GREB1L: variants seen among roughly 807,000 people sequenced by gnomAD.
The protein encoded by GREB1L is GREB1 like retinoic acid receptor coactivator.
Under a neutral mutation model 200.8 loss-of-function variants are expected in GREB1L, and 17 were observed. That is an observed-to-expected ratio of 0.08 (90% CI 0.06 to 0.13). The LOEUF (loss-of-function observed/expected upper bound fraction) is 0.13, where lower values mean the gene tolerates loss of function less well. GREB1L is among the 10% of genes least tolerant of loss of function. GREB1L has a pLI of 1.00. For synonymous variants in GREB1L, 789 were observed against 893.0 expected (o/e 0.88, Z 2.08); for missense variants, 1,657 against 2,367.7 (o/e 0.70, Z 6.23).
chr18:21,369,733 A>G (rs1000209548), intron 2 of GREB1L, among the ~76,000 whole-genome samples: 49 of 152,174 alleles, frequency 3.2e-4, no homozygotes, highest in African/African-American at 9.1e-4. Context: ...TTTACAAACT[A>G]TAAAAATAAA....
intron 31 of GREB1L, among the ~76,000 whole-genome samples, chr18:21,519,497 A>T (rs1052563620): frequency 3.9e-5 from 6 of 152,102 alleles, no homozygotes; most frequent in Admixed American, 2.0e-4. Flanking sequence ...AGATCTAATA[A>T]CATCTTTTAC....
rs149396504 is a variant in GREB1L at position 21,330,861 on chromosome 18, G to A, written c.-119-35166G>A. 3.3e-5 allele frequency among the ~76,000 whole-genome samples: 5 copies of A among 152,096 alleles called. No individual in the cohort carries two copies. In the East Asian group the frequency reaches 9.7e-4, roughly 29 times the overall value. On this transcript the variant is annotated intron_variant, in intron 1 of 32. Coordinates refer to ENST00000424526, the MANE Select transcript of GREB1L (RefSeq NM_001142966.3). ...TCCCGACCTAGATAGCATTAATGGA[G>A]GTAAAAAGCACTGAGTGACTGTTAG...
chr18:21,484,379 T>C (rs1227497898), intron 17 of GREB1L, among the ~76,000 whole-genome samples: 1 of 151,992 alleles, frequency 6.6e-6, no homozygotes, highest in Non-Finnish European at 1.5e-5. Context: ...TTCACCATAT[T>C]GGCCAGGCTG....
intron 15 of GREB1L, among the ~76,000 whole-genome samples, chr18:21,456,130 C>A (rs1308270365): frequency 4.6e-5 from 7 of 151,730 alleles, no homozygotes. Flanking sequence ...GGTCTTGAAC[C>A]CCTGACCTCA....
At position 21,268,522 on chromosome 18, in the gene GREB1L, TACAC is replaced by T. The variant is rs773384876; in HGVS notation, c.-120+26165_-120+26168del. 5.8e-3 allele frequency among the ~76,000 whole-genome samples: 379 copies of T among 65,108 alleles called. 3 individuals carry two copies. Among genetic ancestry groups the T allele is most frequent in the South Asian group, 0.013 (16 of 1,214 alleles). The allele number at this position is 65,108 out of a possible 152,430, so 42.7% of individuals were successfully genotyped here. A position where few individuals can be genotyped will look rare whatever the true frequency, so the allele number is the denominator to read the frequency against. ...ATACATATATATATGTATATATATA[TACAC>T]ACACACACACACACACACACACACA... On this transcript the variant is annotated intron_variant, in intron 1 of 32. Coordinates refer to ENST00000424526, the MANE Select transcript of GREB1L (RefSeq NM_001142966.3).
At chr18:21,497,670 G>GA (rs201531645) in intron 21 of GREB1L, among the ~76,000 whole-genome samples, 3,761 of 148,266 alleles carry the variant, frequency 0.025, 176 homozygotes, top group African/African-American at 0.088. Context: ...AAGAGAGAGG[G>GA]AAAAAAAAAG....
At chr18:21,406,390 G>T (rs1013673432) in intron 7 of GREB1L, among the ~76,000 whole-genome samples, 1 of 152,160 alleles carries the variant, frequency 6.6e-6, no homozygotes, top group African/African-American at 2.4e-5. Context: ...GATGTAAGTG[G>T]TAATTTGACC....
rs537887738 is a variant in GREB1L at position 21,493,050 on chromosome 18, G to A, written c.3031-2620G>A. ...TATTTGTGTGGGAGTAAAAATATGA[G>A]ATCATGTTGGGATGTTCACATCGTA... is the stretch of plus-strand genomic sequence containing the variant. On this transcript the variant is annotated intron_variant, in intron 19 of 32. Coordinates refer to ENST00000424526, the MANE Select transcript of GREB1L (RefSeq NM_001142966.3). Among the ~76,000 whole-genome samples the A allele has an allele frequency of 2.6e-5, 4 of 152,290 alleles. No individual in the cohort carries two copies. The South Asian group carries it at 8.3e-4, about 32-fold the overall frequency.
intron 1 of GREB1L, among the ~76,000 whole-genome samples, chr18:21,280,002 T>C (rs2038241494): frequency 6.6e-6 from 1 of 152,242 alleles, no homozygotes; most frequent in Non-Finnish European, 1.5e-5. Flanking sequence ...TACTGTAGTA[T>C]ATTTGTTACA....
At chr18:21,287,049 TATA>T (rs2038368498) in intron 1 of GREB1L, among the ~76,000 whole-genome samples, 1 of 152,210 alleles carries the variant, frequency 6.6e-6, no homozygotes, top group African/African-American at 2.4e-5. Flanking sequence ...CTACCTTGAA[TATA>T]ATAAAGTATT....
chr18:21,306,500 A>G (rs1282161820), intron 1 of GREB1L, among the ~76,000 whole-genome samples: 1 of 152,178 alleles, frequency 6.6e-6, no homozygotes, highest in Non-Finnish European at 1.5e-5. Context: ...TTTTCTTTGC[A>G]ACTTGATGTG....
chr18:21,395,354 A>C, intron 4 of GREB1L, 31 bp from the exon 5 acceptor site: 1 of 1,493,880 alleles, frequency 6.7e-7, no homozygotes, highest in Non-Finnish European at 9.1e-7. Flanking sequence ...TAAACATTTC[A>C]CTGTGTCCTT....
rs1341074831 is a variant in GREB1L at position 21,522,711 on chromosome 18, G to A, written c.5662G>A (p.Val1888Ile). ...QDRSSLRQTI[V>I]RLELEDEWQF... ...CAGAAGTTCCTTGCGCCAAACAATT[G>A]TCCGCTTAGAGCTAGAAGATGAGTG... is the stretch of plus-strand genomic sequence containing the variant. The change falls in exon 33 of 33, where the codon GTC (valine) becomes ATC (isoleucine). Residue 1888 changes from valine to isoleucine, a missense_variant. Val to Ile is a conservative substitution (Grantham distance 29, BLOSUM62 3). Around this residue, in one of 9 missense-constraint regions of GREB1L, gnomAD observed 190 missense variants for 230.2 expected, o/e 0.83. Coordinates refer to ENST00000424526, the MANE Select transcript of GREB1L (RefSeq NM_001142966.3). 2.6e-6 allele frequency: 4 copies of A among 1,551,498 alleles called. No individual in the cohort carries two copies. The East Asian group carries it at 9.8e-5, about 38-fold the overall frequency.
intron 22 of GREB1L, 28 bp from the exon 23 acceptor site, chr18:21,500,512 C>G: frequency 6.8e-7 from 1 of 1,460,022 alleles, no homozygotes; most frequent in Non-Finnish European, 9.4e-7. Flanking sequence ...CGCCTCCACT[C>G]CTCCCCAATT....
chr18:21,432,047 C>T (rs1248358517), intron 7 of GREB1L, among the ~76,000 whole-genome samples: 3 of 151,382 alleles, frequency 2.0e-5, no homozygotes, highest in Non-Finnish European at 4.4e-5. Context: ...CTCAGCATCC[C>T]GAGTAGCTGG....
intron 1 of GREB1L, among the ~76,000 whole-genome samples, chr18:21,360,922 C>T (rs1055881119): frequency 6.6e-6 from 1 of 152,092 alleles, no homozygotes; most frequent in African/African-American, 2.4e-5. Context: ...TAACTGTTGA[C>T]ATTGTTGGAA....
chr18:21,395,627 A>C (rs539905145), intron 5 of GREB1L, 66 bp downstream of exon 5: 1 of 1,177,898 alleles, frequency 8.5e-7, no homozygotes, highest in Admixed American at 2.9e-5. Context: ...TTTATTTAAA[A>C]CTACTGCAGA....
chr18:21,292,049 C>T (rs1000739296), intron 1 of GREB1L, among the ~76,000 whole-genome samples: 1 of 152,120 alleles, frequency 6.6e-6, no homozygotes, highest in Non-Finnish European at 1.5e-5. Flanking sequence ...AAATTATCTG[C>T]TGGGGCAGTT....
intron 1 of GREB1L, among the ~76,000 whole-genome samples, chr18:21,289,893 T>G (rs2038419574): frequency 6.6e-6 from 1 of 152,190 alleles, no homozygotes; most frequent in Non-Finnish European, 1.5e-5. Flanking sequence ...CATGGAGGGT[T>G]TTTTGTTGAC....
Sources: gnomAD v4.1 joint callset for allele counts (sites outside exome capture counted in the v4.1 genomes callset) on GRCh38, gnomAD v4.1.1 for gene constraint, gnomAD v4.1.1 regional missense constraint, MANE v1.5 for transcripts, NCBI Gene and HGNC (gene_info 2026-07-23, HGNC 2026-07-21) for gene names.